MGMT: variants seen among roughly 807,000 people sequenced by gnomAD.
MGMT encodes methylated-DNA--protein-cysteine methyltransferase.
MGMT carries 14 observed loss-of-function variants against 15.9 expected under a neutral mutation model. The observed-to-expected ratio is 0.88, with a 90% CI of 0.58 to 1.37. The LOEUF (loss-of-function observed/expected upper bound fraction) is 1.37, where lower values mean the gene tolerates loss of function less well. Among genes scored for constraint, MGMT ranks in the 40% most tolerant of loss-of-function variants. MGMT has a pLI of 0.00. For missense variants in MGMT, 282 were observed against 268.1 expected, an observed-to-expected ratio of 1.05 and a Z score of -0.36; for synonymous variants, 130 against 118.2, an observed-to-expected ratio of 1.10 and a Z score of -0.65.
chr10:129,620,493 G>A (rs1035029181), intron 2 of MGMT, among the ~76,000 whole-genome samples: 1 of 152,174 alleles, frequency 6.6e-6, no homozygotes, highest in African/African-American at 2.4e-5. Flanking sequence ...CTCTTGCCTT[G>A]TGCCTTCTGT....
Position 129,621,014 on chromosome 10 carries a change from G to A in MGMT, c.125+84637G>A, listed in dbSNP as rs150429086. ...AGAAATTCCAGAAATGATGGAATGC[G>A]CTGTATCCACACTGTCCAGTATGGC... On this transcript the variant is annotated intron_variant, in intron 2 of 4. Transcript: ENST00000651593. Among the ~76,000 whole-genome samples the A allele has an allele frequency of 4.2e-3, 633 of 152,176 alleles. 3 individuals carry two copies. Among genetic ancestry groups the A allele is most frequent in the African/African-American group, 0.013 (541 of 41,512 alleles).
chr10:129,725,672 G>A (rs1241827421), intron 3 of MGMT, among the ~76,000 whole-genome samples: 4 of 152,160 alleles, frequency 2.6e-5, no homozygotes, highest in Admixed American at 6.5e-5. Flanking sequence ...TCCATGCTCT[G>A]GGCAGGCTAC....
intron 2 of MGMT, among the ~76,000 whole-genome samples, chr10:129,654,286 G>T (rs2133100244): frequency 6.6e-6 from 1 of 152,238 alleles, no homozygotes; most frequent in East Asian, 1.9e-4. Flanking sequence ...GATGGAAAGG[G>T]GTGCAGGGCG....
rs531750071 is a variant in MGMT at position 129,692,544 on chromosome 10, A to G, written c.126-15351A>G. Among the ~76,000 whole-genome samples, 20 of 152,316 alleles carry G rather than the reference A, an allele frequency of 1.3e-4. No homozygotes were observed. The South Asian group carries it at 3.9e-3, about 30-fold the overall frequency. On this transcript the variant is annotated intron_variant, in intron 2 of 4. Transcript: ENST00000651593. ...TTTGGTATGTGGAGGCATGTTGACTATGGACACCTTGAAAATCCCATGTGG... is the reference window on the plus strand; with the variant it reads ...TTTGGTATGTGGAGGCATGTTGACTGTGGACACCTTGAAAATCCCATGTGG...
chr10:129,670,600 A>G (rs1023747792), intron 2 of MGMT, among the ~76,000 whole-genome samples: 1 of 152,242 alleles, frequency 6.6e-6, no homozygotes, highest in African/African-American at 2.4e-5. Flanking sequence ...TGAAGACATC[A>G]ATAAAAATGA....
At chr10:129,540,863 C>T (rs1846035354) in intron 2 of MGMT, among the ~76,000 whole-genome samples, 2 of 152,210 alleles carry the variant, frequency 1.3e-5, no homozygotes, top group Non-Finnish European at 2.9e-5. Flanking sequence ...TTGGGTGCTG[C>T]CTTCCCTCAT....
chr10:129,675,060 C>T (rs1302826151), intron 2 of MGMT, among the ~76,000 whole-genome samples: 1 of 152,166 alleles, frequency 6.6e-6, no homozygotes, highest in African/African-American at 2.4e-5. Context: ...CAAGTAAGAG[C>T]TCACGAGTGC....
intron 2 of MGMT, among the ~76,000 whole-genome samples, chr10:129,706,714 G>A (rs962663601): frequency 6.6e-6 from 1 of 152,138 alleles, no homozygotes; most frequent in Non-Finnish European, 1.5e-5. Flanking sequence ...AAATCACAAC[G>A]GGATGTGTCA....
chr10:129,507,574 A>G (rs569022530), intron 1 of MGMT, among the ~76,000 whole-genome samples: 8 of 152,254 alleles, frequency 5.3e-5, no homozygotes, highest in Non-Finnish European at 7.4e-5. Flanking sequence ...TGCAGTATGT[A>G]GGAAGTCCTA....
At chr10:129,629,301 T>C (rs956706273) in intron 2 of MGMT, among the ~76,000 whole-genome samples, 7 of 152,232 alleles carry the variant, frequency 4.6e-5, no homozygotes, top group Non-Finnish European at 1.0e-4. Context: ...TGCATGAGTA[T>C]TGGCTGCGAT....
At chr10:129,612,515 G>A (rs34218875) in intron 2 of MGMT, among the ~76,000 whole-genome samples, 3,806 of 152,276 alleles carry the variant, frequency 0.025, 75 homozygotes, top group Non-Finnish European at 0.039. Context: ...TTTTATACCC[G>A]GGAATGTTAG....
At chr10:129,724,049 G>A (rs984875027) in intron 3 of MGMT, among the ~76,000 whole-genome samples, 7 of 152,148 alleles carry the variant, frequency 4.6e-5, no homozygotes, top group African/African-American at 1.7e-4. Context: ...TAAAACCTAC[G>A]TCCACAAAAA....
intron 2 of MGMT, among the ~76,000 whole-genome samples, chr10:129,552,498 T>C (rs1172330950): frequency 6.6e-6 from 1 of 152,220 alleles, no homozygotes; most frequent in Non-Finnish European, 1.5e-5. Context: ...AGTCTTTAGC[T>C]AAATTAAGTA....
intron 2 of MGMT, among the ~76,000 whole-genome samples, chr10:129,539,767 A>G (rs1486242002): frequency 6.6e-6 from 1 of 152,158 alleles, no homozygotes; most frequent in Non-Finnish European, 1.5e-5. Context: ...CGGCCTCCCA[A>G]AGTGCTGGGA....
At chr10:129,626,986 C>T (rs1033832587) in intron 2 of MGMT, among the ~76,000 whole-genome samples, 2 of 152,164 alleles carry the variant, frequency 1.3e-5, no homozygotes, top group African/African-American at 4.8e-5. Flanking sequence ...TGGGTGCTGC[C>T]CGCCTCTGAG....
At position 129,556,392 on chromosome 10, in the gene MGMT, A is replaced by G. The variant is rs941699571; in HGVS notation, c.125+20015A>G. 1.3e-5 allele frequency among the ~76,000 whole-genome samples: 2 copies of G among 152,146 alleles called. No homozygotes were observed. The highest frequency in any genetic ancestry group is 4.8e-5 in the African/African-American group (2 of 41,428). ...TGGAGGTTGTGGCACAGACACACGG[A>G]GGGATGGCCACGTGAGGACCCTGGG... On this transcript the variant is annotated intron_variant, in intron 2 of 4. Coordinates refer to ENST00000651593, the MANE Select transcript of MGMT (RefSeq NM_002412.5). This position sits in a 1 kb window ranked among gnomAD's most constrained non-coding sequence, Gnocchi z 4.3.
chr10:129,667,555 T>G (rs1166230703), intron 2 of MGMT, among the ~76,000 whole-genome samples: 2 of 152,210 alleles, frequency 1.3e-5, no homozygotes, highest in Admixed American at 1.3e-4. Flanking sequence ...GTTGGAATTT[T>G]CATTACTAAT....
chr10:129,657,885 A>T (rs1041887848), intron 2 of MGMT, among the ~76,000 whole-genome samples: 1 of 152,034 alleles, frequency 6.6e-6, no homozygotes, highest in Non-Finnish European at 1.5e-5. Flanking sequence ...AGGAGCCCCC[A>T]TCCCATGAGT....
In MGMT at chr10:129,673,691, A is replaced by G. The variant is rs568920467; in HGVS notation, c.126-34204A>G. 7.9e-5 allele frequency among the ~76,000 whole-genome samples: 12 copies of G among 152,238 alleles called. No individual in the cohort carries two copies. In the South Asian group the frequency reaches 2.5e-3, roughly 32 times the overall value. On this transcript the variant is annotated intron_variant, in intron 2 of 4. Coordinates refer to ENST00000651593, the MANE Select transcript of MGMT (RefSeq NM_002412.5). ...CCTGGTCTGGATCTATTAGTTGAAG[A>G]AATTGCCACCTCGTAATTTCAAATT...
Sources: gnomAD v4.1 joint callset for allele counts (sites outside exome capture counted in the v4.1 genomes callset) on GRCh38, gnomAD v4.1.1 for gene constraint, Gnocchi (gnomAD v3.1) non-coding constraint, MANE v1.5 for transcripts, NCBI Gene and HGNC (gene_info 2026-07-23, HGNC 2026-07-21) for gene names.